The following ACP7 variants were observed in gnomAD, a reference collection of about 807,000 sequenced individuals.
The protein encoded by ACP7 is acid phosphatase 7, tartrate resistant (putative).
A neutral mutation model predicts 60.6 loss-of-function variants in ACP7; 58 were observed. The ratio of observed to expected loss-of-function variants is 0.96; its 90% CI spans 0.77 to 1.19. The LOEUF (loss-of-function observed/expected upper bound fraction) is 1.19, where lower values mean the gene tolerates loss of function less well. ACP7 is among the 50% of genes most tolerant of loss of function. ACP7 has a pLI of 0.00. For synonymous variants in ACP7, 237 were observed against 232.6 expected, an observed-to-expected ratio of 1.02 and a Z score of -0.17; for missense variants, 574 against 596.2, an observed-to-expected ratio of 0.96 and a Z score of 0.39.
intron 2 of ACP7, among the ~76,000 whole-genome samples, chr19:39,088,581 C>G (rs983519925): frequency 6.6e-6 from 1 of 152,176 alleles, no homozygotes; most frequent in Non-Finnish European, 1.5e-5. Flanking sequence ...ACTCATTTAA[C>G]CTGGTATCAA....
chr19:39,098,318 T>C, intron 2 of ACP7, 140 bp from the exon 3 acceptor site: 1 of 456,208 alleles, frequency 2.2e-6, no homozygotes, highest in Non-Finnish European at 3.7e-6. Context: ...GGGGCTGGGA[T>C]TGAACTTGGG....
At chr19:39,088,391 T>G (rs887552858) in intron 2 of ACP7, among the ~76,000 whole-genome samples, 4 of 152,116 alleles carry the variant, frequency 2.6e-5, no homozygotes, top group African/African-American at 9.7e-5. Flanking sequence ...TGGCTTGGCA[T>G]TTGCCAGCCT....
chr19:39,089,816 G>A (rs2073184453), intron 2 of ACP7, among the ~76,000 whole-genome samples: 1 of 152,230 alleles, frequency 6.6e-6, no homozygotes, highest in African/African-American at 2.4e-5. Flanking sequence ...TAGATATGAT[G>A]TTGTGCCCTT....
In ACP7 at chr19:39,100,571, T is replaced by C. The variant is rs756482760; in HGVS notation, c.630-9T>C. 3.7e-6 allele frequency: 6 copies of C among 1,613,788 alleles called. No homozygotes were observed. Among genetic ancestry groups the C allele is most frequent in the Non-Finnish European group, 5.1e-6 (6 of 1,179,742 alleles). ...TTCACCTCCATCCCTTGTACTTCCTTTATTCCAGCAACTTCTCTAACTACA... is the reference window on the plus strand; with the variant it reads ...TTCACCTCCATCCCTTGTACTTCCTCTATTCCAGCAACTTCTCTAACTACA... On this transcript the variant is annotated splice_polypyrimidine_tract_variant and intron_variant, in intron 5 of 12. Transcript: ENST00000331256.
intron 12 of ACP7, among the ~76,000 whole-genome samples, chr19:39,108,978 A>T (rs59759425): frequency 6.6e-6 from 1 of 151,770 alleles, no homozygotes; most frequent in African/African-American, 2.4e-5. Flanking sequence ...ATGCCACCAC[A>T]CCCGGCTAAT....
intron 11 of ACP7, among the ~76,000 whole-genome samples, chr19:39,105,952 C>G (rs1454893217): frequency 6.6e-6 from 1 of 152,170 alleles, no homozygotes; most frequent in East Asian, 1.9e-4. Flanking sequence ...TAAAGTGACT[C>G]TCTTTTTTCC....
At chr19:39,101,421 G>A (rs2073343882) in intron 10 of ACP7, 45 bp from the exon 11 acceptor site, 1 of 1,613,430 alleles carries the variant, frequency 6.2e-7, no homozygotes, top group Non-Finnish European at 8.5e-7. Context: ...GCCCAGGCAT[G>A]GCCTCGAGTG....
Position 39,099,199 on chromosome 19 carries a change from GGGGGGCGCGCGGGTC to G in ACP7, c.505+80_505+94del, listed in dbSNP as rs561670716. 5.7e-3 allele frequency: 8,256 copies of G among 1,451,682 alleles called. 398 individuals are homozygous for G. The African/African-American group carries it at 0.11, about 19-fold the overall frequency. The allele number at this position is 1,451,682 out of a possible 1,614,324, so 89.9% of individuals were successfully genotyped here. ...GGTGGGGGGCGCGCGCAGGGATGGT[GGGGGGCGCGCGGGTC>G]GGGGGCGCGCGGGTCGGGGGCGGTG... is the stretch of plus-strand genomic sequence containing the variant. On this transcript the variant is annotated intron_variant, in intron 4 of 12. Coordinates refer to ENST00000331256, the MANE Select transcript of ACP7 (RefSeq NM_001004318.3).
At chr19:39,089,679 C>T (rs578008738) in intron 2 of ACP7, among the ~76,000 whole-genome samples, 35 of 152,288 alleles carry the variant, frequency 2.3e-4, no homozygotes, top group South Asian at 8.3e-4. Context: ...TCAGTCTTCC[C>T]TTGTCTTTCA....
intron 2 of ACP7, among the ~76,000 whole-genome samples, chr19:39,091,016 G>C (rs921392450): frequency 6.6e-6 from 1 of 151,908 alleles, no homozygotes; most frequent in African/African-American, 2.4e-5. Flanking sequence ...TTCAGATTGC[G>C]TTCTGTGTTC....
At chr19:39,093,194 CTTT>C (rs2073228442) in intron 2 of ACP7, among the ~76,000 whole-genome samples, 1 of 77,906 alleles carries the variant, frequency 1.3e-5, no homozygotes, top group Non-Finnish European at 2.6e-5. Context: ...TTCCTTCTTT[CTTT>C]GTTTCTTTCT....
intron 1 of ACP7, among the ~76,000 whole-genome samples, chr19:39,084,794 C>G (rs991915543): frequency 1.1e-3 from 161 of 152,114 alleles, no homozygotes; most frequent in African/African-American, 3.7e-3. Context: ...GCCTCCACCC[C>G]GCTCCCAGAC....
Position 39,098,993 on chromosome 19 carries a change from G to C in ACP7, c.356G>C (p.Arg119Pro), listed in dbSNP as rs1473683916. The change falls in exon 4 of 13, where the codon CGT becomes CCT. Residue 119 changes from arginine (R) to proline (P), a missense_variant. Transcript: ENST00000331256. Reference sequence around the variant, plus strand: ...TGTGGCAGTGCGCAGGGCTGGAGCCGTCGGTTCCGCTTCAGGGCCCTCAAG... The same window carrying C: ...TGTGGCAGTGCGCAGGGCTGGAGCCCTCGGTTCCGCTTCAGGGCCCTCAAG... ...YRCGSAQGWS[R>P]RFRFRALKNG... 2 of 1,612,828 alleles carry C rather than the reference G, an allele frequency of 1.2e-6. No individual in the cohort carries two copies. The highest frequency in any genetic ancestry group is 1.7e-5 in the Admixed American group (1 of 59,964).
intron 11 of ACP7, 105 bp downstream of exon 11, chr19:39,101,642 CTT>C (rs2073347531): frequency 7.9e-7 from 1 of 1,271,582 alleles, no homozygotes; most frequent in Non-Finnish European, 1.1e-6. Context: ...GTGGATATCA[CTT>C]AACCCTCAGC....
intron 2 of ACP7, among the ~76,000 whole-genome samples, chr19:39,090,139 CT>C (rs903235073): frequency 5.3e-5 from 8 of 151,576 alleles, no homozygotes; most frequent in Middle Eastern, 3.4e-3. Flanking sequence ...TGCCCTCCTT[CT>C]TTTTTTTTCT....
intron 2 of ACP7, among the ~76,000 whole-genome samples, chr19:39,095,936 T>G (rs771702186): frequency 3.3e-5 from 5 of 152,202 alleles, no homozygotes; most frequent in Non-Finnish European, 5.9e-5. Flanking sequence ...CAGCCACAGC[T>G]GGAGCAGCTA....
intron 11 of ACP7, among the ~76,000 whole-genome samples, chr19:39,105,393 G>A (rs376900785): frequency 1.3e-5 from 2 of 152,242 alleles, no homozygotes; most frequent in South Asian, 2.1e-4. Context: ...GAAAAGCACA[G>A]CGAGTTGTTT....
chr19:39,084,324 G>C (rs956220155), upstream of ACP7: 4 of 152,274 alleles, frequency 2.6e-5, no homozygotes, highest in Admixed American at 1.3e-4. Flanking sequence ...AAGAGGCCTC[G>C]GCACCCGCGA....
At chr19:39,096,170 A>C (rs1242900071) in intron 2 of ACP7, among the ~76,000 whole-genome samples, 1 of 152,230 alleles carries the variant, frequency 6.6e-6, no homozygotes, top group East Asian at 1.9e-4. Flanking sequence ...TCTCCTCAGA[A>C]AATGGGGTTT....
Sources: allele counts gnomAD v4.1 joint callset (sites outside exome capture counted in the v4.1 genomes callset), GRCh38; gene constraint gnomAD v4.1.1; transcripts MANE v1.5; gene names NCBI Gene and HGNC (gene_info 2026-07-23, HGNC 2026-07-21).